ANKAR: variants seen among roughly 807,000 people sequenced by gnomAD.
The protein encoded by ANKAR is ankyrin and armadillo repeat-containing protein.
Under a neutral mutation model 146.2 loss-of-function variants are expected in ANKAR, and 136 were observed. That is an observed-to-expected ratio of 0.93 (90% CI 0.81 to 1.07). The LOEUF is 1.07. ANKAR is among the 50% of genes least tolerant of loss of function. ANKAR has a pLI of 0.00. For synonymous variants in ANKAR, 500 were observed against 575.8 expected, an observed-to-expected ratio of 0.87 and a Z score of 1.88; for missense variants, 1,567 against 1,679.9, an observed-to-expected ratio of 0.93 and a Z score of 1.18.
chr2:189,761,545 T>C (rs751186920), downstream of ANKAR: 1 of 1,610,222 alleles, frequency 6.2e-7, no homozygotes, highest in South Asian at 1.1e-5. Context: ...GAAGAAATAG[T>C]GTTCCAGGAT....
intron 12 of ANKAR, among the ~76,000 whole-genome samples, chr2:189,722,323 A>G (rs1302249133): frequency 1.6e-5 from 2 of 127,306 alleles, no homozygotes; most frequent in East Asian, 4.5e-4. Context: ...TGGGCAACAG[A>G]GCGAGACTCC....
rs1288942566 is a variant in ANKAR at position 189,690,076 on chromosome 2, G to A, written c.1039+112G>A. On this transcript the variant is annotated intron_variant, in intron 3 of 22. Transcript: ENST00000684021. ...GCAGGCAGTAACCTAGCTATAACCT[G>A]TTAGAGAAAACAAACAATTTAATGT... 6 of 656,758 alleles carry A rather than the reference G, an allele frequency of 9.1e-6. No individual in the cohort carries two copies. The East Asian group carries it at 2.0e-4, about 22-fold the overall frequency. 40.7% of individuals were successfully genotyped at this position (656,758 alleles called of 1,614,324 possible). A position where few individuals can be genotyped will look rare whatever the true frequency, so the allele number is the denominator to read the frequency against.
chr2:189,741,579 C>T, intron 20 of ANKAR, 128 bp downstream of exon 20: 1 of 522,096 alleles, frequency 1.9e-6, no homozygotes, highest in Non-Finnish European at 3.2e-6. Flanking sequence ...ATTACTAACT[C>T]AAAATTACAT....
chr2:189,762,543 A>G (rs973675773), downstream of ANKAR: 13 of 965,132 alleles, frequency 1.3e-5, no homozygotes, highest in African/African-American at 1.9e-4. Flanking sequence ...CTTTCGGGCC[A>G]AGAAAGCTGC....
intron 10 of ANKAR, among the ~76,000 whole-genome samples, chr2:189,713,577 T>A (rs2577633): frequency 0.98 from 149,464 of 152,290 alleles, 73,402 homozygotes; most frequent in East Asian, 1. Context: ...AGATTTTGTC[T>A]CCACCAGGCC....
intron 2 of ANKAR, among the ~76,000 whole-genome samples, chr2:189,687,234 T>G (rs1345629789): frequency 6.6e-6 from 1 of 152,194 alleles, no homozygotes; most frequent in Non-Finnish European, 1.5e-5. Context: ...TTTGTCTTTC[T>G]GTGCATGGCT....
At chr2:189,753,950 T>C (rs2045677091) in intron 18 of ANKAR, 1 of 1,613,688 alleles carries the variant, frequency 6.2e-7, no homozygotes, top group African/African-American at 1.3e-5. Context: ...CAAGTCTCTC[T>C]GCTTACAAAA....
chr2:189,762,906 G>T (rs2047340035), downstream of ANKAR: 3 of 985,400 alleles, frequency 3.0e-6, no homozygotes, highest in Non-Finnish European at 3.6e-6. Context: ...CTCTCTGTGC[G>T]CACCTGCATT....
chr2:189,707,001 G>A lies in ANKAR; in HGVS notation c.1974G>A (p.Leu658=), dbSNP rs774739591. ...TSGALDTIQY[L]FSIGANWRKT... ...GAGCACTGGACACTATTCAATACCT[G>A]TTTTCTATCGGTGCTAACTGGAGAA... Residue 658 remains leucine, a synonymous_variant, in exon 9 of 23, where the codon CTG becomes CTA. Coordinates refer to ENST00000684021, the MANE Select transcript of ANKAR (RefSeq NM_001378068.1). 2.1e-5 allele frequency: 34 copies of A among 1,613,536 alleles called. No individual in the cohort carries two copies. In the Admixed American group the frequency reaches 5.2e-4, roughly 25 times the overall value.
intron 12 of ANKAR, among the ~76,000 whole-genome samples, chr2:189,721,591 C>CT (rs1484186901): frequency 6.6e-6 from 1 of 152,114 alleles, no homozygotes; most frequent in Non-Finnish European, 1.5e-5. Context: ...TCCTAAAGTG[C>CT]GTCTCAGTAC....
chr2:189,707,985 G>A (rs1349691559), intron 9 of ANKAR, among the ~76,000 whole-genome samples: 1 of 152,066 alleles, frequency 6.6e-6, no homozygotes, highest in Non-Finnish European at 1.5e-5. Context: ...AGCCTAACTA[G>A]GAAAGACCTA....
chr2:189,711,929 A>G (rs2039747644), intron 10 of ANKAR, among the ~76,000 whole-genome samples: 1 of 152,232 alleles, frequency 6.6e-6, no homozygotes, highest in Non-Finnish European at 1.5e-5. Flanking sequence ...CAAATGGCAC[A>G]CCAGGAGATT....
At chr2:189,760,050 T>C (rs991091840) in intron 18 of ANKAR, among the ~76,000 whole-genome samples, 2 of 152,230 alleles carry the variant, frequency 1.3e-5, no homozygotes, top group Non-Finnish European at 2.9e-5. Context: ...ACACAGCACA[T>C]GTTTCAGAGA....
chr2:189,755,685 A>T, intron 18 of ANKAR: 1 of 1,009,030 alleles, frequency 9.9e-7, no homozygotes, highest in Non-Finnish European at 1.4e-6. Context: ...GTATTTTCTA[A>T]TTGTGTGCCT....
At chr2:189,752,558 C>T (rs1375750149) in intron 18 of ANKAR, 1 of 1,164,084 alleles carries the variant, frequency 8.6e-7, no homozygotes, top group Non-Finnish European at 1.3e-6. Flanking sequence ...CAAGTACCAC[C>T]AGAATGTCAA....
chr2:189,761,301 A>G, downstream of ANKAR: 1 of 1,071,802 alleles, frequency 9.3e-7, no homozygotes, highest in Non-Finnish European at 1.3e-6. Context: ...CAGTTATTAA[A>G]AGTGTTTGCA....
intron 18 of ANKAR, chr2:189,754,964 A>G (rs960767745): frequency 6.7e-6 from 4 of 599,074 alleles, no homozygotes; most frequent in Non-Finnish European, 8.4e-6. Flanking sequence ...ATGTACAGAT[A>G]TGAACCTCTT....
intron 18 of ANKAR, chr2:189,753,095 T>G (rs961375161): frequency 1.1e-6 from 1 of 933,912 alleles, no homozygotes. Context: ...CATTTTGAGA[T>G]GGGTAATGGG....
intron 18 of ANKAR, among the ~76,000 whole-genome samples, chr2:189,760,587 T>C (rs1431688570): frequency 6.6e-6 from 1 of 152,152 alleles, no homozygotes; most frequent in East Asian, 1.9e-4. Flanking sequence ...GGTCAGGAGA[T>C]TGAGACCATC....
Sources: gnomAD v4.1 joint callset for allele counts (sites outside exome capture counted in the v4.1 genomes callset) on GRCh38, gnomAD v4.1.1 for gene constraint, MANE v1.5 for transcripts, NCBI Gene and HGNC (gene_info 2026-07-23, HGNC 2026-07-21) for gene names.